The following EBF1 variants were observed in gnomAD, a reference collection of about 807,000 sequenced individuals.
EBF1 encodes EBF transcription factor 1.
A neutral mutation model predicts 68.4 loss-of-function variants in EBF1; 10 were observed. That is an observed-to-expected ratio of 0.15 (90% CI 0.09 to 0.25). EBF1 has a LOEUF of 0.25. Ranked by LOEUF, EBF1 falls within the 10% of genes least tolerant of loss-of-function variation. EBF1 has a pLI of 1.00. For synonymous variants in EBF1, 298 were observed against 299.8 expected, an observed-to-expected ratio of 0.99 and a Z score of 0.06; for missense variants, 509 against 794.4, an observed-to-expected ratio of 0.64 and a Z score of 4.32.
At position 158,729,513 on chromosome 5, in the gene EBF1, A is replaced by G. The variant is rs28393810; in HGVS notation, c.1125+1556T>C. On this transcript the variant is annotated intron_variant, in intron 11 of 15. Transcript: ENST00000313708. ...GTGCTATAAAATTACCAGTTGTCCC[A>G]TAGGAAATGCACGGGACCATGTTCT... Among the ~76,000 whole-genome samples the G allele has an allele frequency of 8.1e-3, 1,239 of 152,338 alleles. 24 individuals are homozygous for G. The highest frequency in any genetic ancestry group is 0.028 in the African/African-American group (1,173 of 41,574).
intron 6 of EBF1, among the ~76,000 whole-genome samples, chr5:158,971,060 G>T (rs1292329330): frequency 6.6e-6 from 1 of 152,136 alleles, no homozygotes; most frequent in Non-Finnish European, 1.5e-5. Context: ...GGGCAATACC[G>T]GGTAACCTAT....
chr5:158,761,857 T>A (rs1024623670), intron 10 of EBF1, among the ~76,000 whole-genome samples: 1 of 152,244 alleles, frequency 6.6e-6, no homozygotes, highest in African/African-American at 2.4e-5. Flanking sequence ...TAAGGTTTTA[T>A]AATTTTATAC....
chr5:158,864,231 A>G (rs1037210818), intron 6 of EBF1, among the ~76,000 whole-genome samples: 5 of 113,358 alleles, frequency 4.4e-5, no homozygotes, highest in Non-Finnish European at 9.7e-5. Context: ...CTCAAAAAAA[A>G]AAAAAAAAAA....
intron 6 of EBF1, among the ~76,000 whole-genome samples, chr5:159,057,854 T>A (rs1775059631): frequency 6.6e-6 from 1 of 152,240 alleles, no homozygotes. Flanking sequence ...TCTTAAGCTA[T>A]TCATTCTCCA....
At chr5:159,043,145 C>T (rs1223083481) in intron 6 of EBF1, among the ~76,000 whole-genome samples, 2 of 152,188 alleles carry the variant, frequency 1.3e-5, no homozygotes, top group African/African-American at 4.8e-5. Flanking sequence ...CAGACAAAAA[C>T]TCCAAGTTCC....
At chr5:158,790,405 C>T (rs1478703807) in intron 9 of EBF1, among the ~76,000 whole-genome samples, 1 of 152,138 alleles carries the variant, frequency 6.6e-6, no homozygotes, top group Non-Finnish European at 1.5e-5. Flanking sequence ...AGTCCAACCA[C>T]TTTGTGATTG....
intron 6 of EBF1, among the ~76,000 whole-genome samples, chr5:158,860,699 C>A (rs1794814898): frequency 6.6e-6 from 1 of 152,228 alleles, no homozygotes; most frequent in Non-Finnish European, 1.5e-5. Flanking sequence ...TTTGGTAAGA[C>A]AAACAAGTGA....
intron 4 of EBF1, among the ~76,000 whole-genome samples, chr5:159,086,863 C>A (rs1780728072): frequency 1.3e-5 from 2 of 152,060 alleles, no homozygotes; most frequent in Admixed American, 1.3e-4. Context: ...ATTGATTATT[C>A]TTTGCTGTAT....
chr5:158,790,255 C>T (rs1778343401), intron 9 of EBF1, among the ~76,000 whole-genome samples: 1 of 152,218 alleles, frequency 6.6e-6, no homozygotes, highest in African/African-American at 2.4e-5. Context: ...CAAGTGTGTA[C>T]TGACTAAAAC....
rs1159396693 is a variant in EBF1 at position 159,007,797 on chromosome 5, GT to G, written c.554+65598del. Among the ~76,000 whole-genome samples the G allele has an allele frequency of 2.6e-5, 4 of 151,970 alleles. No homozygotes were observed. In the East Asian group the frequency reaches 7.7e-4, roughly 29 times the overall value. On this transcript the variant is annotated intron_variant, in intron 6 of 15. Coordinates refer to ENST00000313708, the MANE Select transcript of EBF1 (RefSeq NM_024007.5). Reference sequence around the variant, plus strand: ...CCAATTTTTTTTTTCAAAAATAGGAGTTCAGAAATGAGGGGTGTTAGAAACA... The same window carrying G: ...CCAATTTTTTTTTTCAAAAATAGGAGTCAGAAATGAGGGGTGTTAGAAACA...
At chr5:158,885,923 A>G (rs1246952874) in intron 6 of EBF1, among the ~76,000 whole-genome samples, 2 of 152,184 alleles carry the variant, frequency 1.3e-5, no homozygotes, top group Non-Finnish European at 2.9e-5. Flanking sequence ...GTACCTGTTG[A>G]AATTGCTTCT....
chr5:158,730,916 C>A, intron 11 of EBF1, 153 bp downstream of exon 11: 1 of 632,502 alleles, frequency 1.6e-6, no homozygotes, highest in Non-Finnish European at 2.7e-6. Flanking sequence ...TAAGTGCTTG[C>A]TACTTTTATT....
chr5:158,993,016 C>T (rs1400445832), intron 6 of EBF1, among the ~76,000 whole-genome samples: 1 of 149,308 alleles, frequency 6.7e-6, no homozygotes, highest in Non-Finnish European at 1.5e-5. Flanking sequence ...GCAACCTCCG[C>T]CTCCTGGGCT....
In EBF1 at chr5:158,697,272, A is replaced by AT. The variant is rs34258322; in HGVS notation, c.*1838dup. 0.027 allele frequency: 4,700 copies of AT among 176,200 alleles called. 32 individuals carry two copies. Among genetic ancestry groups the AT allele is most frequent in the African/African-American group, 0.032 (1,319 of 41,184 alleles). 10.9% of individuals were successfully genotyped at this position (176,200 alleles called of 1,614,324 possible). On this transcript the variant is annotated 3_prime_UTR_variant, in exon 16 of 16. Coordinates refer to ENST00000313708, the MANE Select transcript of EBF1 (RefSeq NM_024007.5). The stretch of plus-strand genomic sequence containing the variant: ...AATACTACAAGAATAATATGCTACT[A>AT]TTTTTTTTTTTTTGCCATATATTGG...
At chr5:158,909,964 A>G (rs1415476735) in intron 6 of EBF1, among the ~76,000 whole-genome samples, 47 of 140,052 alleles carry the variant, frequency 3.4e-4, no homozygotes, top group African/African-American at 1.3e-3. Context: ...TATAAAAAAA[A>G]AAAAAAAAAA....
chr5:159,085,446 C>G (rs1180587767), intron 4 of EBF1, among the ~76,000 whole-genome samples: 1 of 152,154 alleles, frequency 6.6e-6, no homozygotes, highest in African/African-American at 2.4e-5. Context: ...CCTCACCAGC[C>G]CAAATAGTTT....
At chr5:158,977,136 C>T (rs2112633) in intron 6 of EBF1, among the ~76,000 whole-genome samples, 6,823 of 152,212 alleles carry the variant, frequency 0.045, 167 homozygotes, top group East Asian at 0.11. Context: ...ACCAACACAC[C>T]TGAAAGGAGG....
At chr5:158,848,960 C>T (rs1192975367) in intron 6 of EBF1, among the ~76,000 whole-genome samples, 1 of 152,200 alleles carries the variant, frequency 6.6e-6, no homozygotes, top group Non-Finnish European at 1.5e-5. Context: ...TTCGTTGTCA[C>T]ACATTCATTC....
chr5:158,998,826 A>G (rs936800647), intron 6 of EBF1, among the ~76,000 whole-genome samples: 9 of 152,164 alleles, frequency 5.9e-5, no homozygotes, highest in Admixed American at 2.0e-4. Context: ...CTGGTAGCTT[A>G]CCACACTTTG....
Sources: gnomAD v4.1 joint callset for allele counts (sites outside exome capture counted in the v4.1 genomes callset) on GRCh38, gnomAD v4.1.1 for gene constraint, MANE v1.5 for transcripts, NCBI Gene and HGNC (gene_info 2026-07-23, HGNC 2026-07-21) for gene names.